The following TBCD variants were observed in gnomAD, a reference collection of about 807,000 sequenced individuals.
The protein encoded by TBCD is tubulin folding cofactor D.
In TBCD, 105 loss-of-function variants were observed where a neutral mutation model predicts 169.3. That is an observed-to-expected ratio of 0.62 (90% CI 0.53 to 0.73). TBCD has a LOEUF of 0.73. TBCD is among the 30% of genes least tolerant of loss of function. TBCD has a pLI of 0.00. For missense variants in TBCD, 1,444 were observed against 1,600.1 expected (o/e 0.90, Z 1.66); for synonymous variants, 700 against 643.9 (o/e 1.09, Z -1.32).
At chr17:82,896,840 G>A (rs1303910600) in intron 17 of TBCD, among the ~76,000 whole-genome samples, 4 of 152,210 alleles carry the variant, frequency 2.6e-5, no homozygotes, top group African/African-American at 9.6e-5. Flanking sequence ...TGAGCTCGGG[G>A]TCCGGGATCT....
intron 37 of TBCD, among the ~76,000 whole-genome samples, chr17:82,939,677 A>G (rs2062949636): frequency 6.6e-6 from 1 of 152,140 alleles, no homozygotes; most frequent in Admixed American, 6.5e-5. Context: ...CCTGTCCCCA[A>G]ACAGTGTCAG....
chr17:82,906,102 C>A, intron 20 of TBCD, 49 bp downstream of exon 20: 1 of 1,407,618 alleles, frequency 7.1e-7, no homozygotes, highest in South Asian at 1.2e-5. Flanking sequence ...CCCTGATCCC[C>A]TCACCATGTA....
chr17:82,902,155 C>G (rs1373021200), intron 18 of TBCD, among the ~76,000 whole-genome samples: 1 of 152,110 alleles, frequency 6.6e-6, no homozygotes, highest in South Asian at 2.1e-4. Flanking sequence ...ATGTATTGAC[C>G]CTTTATCTTT....
In TBCD at chr17:82,870,710, C is replaced by T. The variant is rs371175095; in HGVS notation, c.1475+330C>T. Among the ~76,000 whole-genome samples the T allele has an allele frequency of 3.2e-4, 49 of 152,334 alleles. No homozygotes were observed. In the East Asian group the frequency reaches 4.8e-3, roughly 15 times the overall value. ...ACCCTGCAGGCAGCAGATTCTTGGG[C>T]GCAGGTGATCGGCACGCTGGGTGGC... On this transcript the variant is annotated intron_variant, in intron 14 of 38. Coordinates refer to ENST00000355528, the MANE Select transcript of TBCD (RefSeq NM_005993.5).
chr17:82,916,095 C>T (rs1452881574), intron 23 of TBCD, among the ~76,000 whole-genome samples: 1 of 152,234 alleles, frequency 6.6e-6, no homozygotes, highest in Admixed American at 6.5e-5. Context: ...CACACAGCCA[C>T]CTGCTGCTTC....
chr17:82,825,745 T>C (rs74002521), intron 13 of TBCD, among the ~76,000 whole-genome samples: 1,569 of 152,354 alleles, frequency 0.01, 23 homozygotes, highest in African/African-American at 0.035. Flanking sequence ...ATAAAACTAT[T>C]GCGTCACTCA....
At chr17:82,908,877 T>G (rs1398297754) in intron 21 of TBCD, among the ~76,000 whole-genome samples, 1 of 152,266 alleles carries the variant, frequency 6.6e-6, no homozygotes, top group Non-Finnish European at 1.5e-5. Flanking sequence ...TCAGTAAATT[T>G]TAGTTGTAGT....
intron 2 of TBCD, among the ~76,000 whole-genome samples, chr17:82,757,893 T>C (rs2047487428): frequency 6.6e-6 from 1 of 152,080 alleles, no homozygotes. Context: ...TGAGCGCTGG[T>C]TCCCAGGAAA....
chr17:82,907,615 A>G (rs1453040668), intron 20 of TBCD, 146 bp from the exon 21 acceptor site: 7 of 814,124 alleles, frequency 8.6e-6, no homozygotes, highest in Non-Finnish European at 1.4e-5. Context: ...TGGGACCTGA[A>G]CAAGAATGAG....
chr17:82,879,966 C>T (rs2058245969), intron 14 of TBCD, among the ~76,000 whole-genome samples: 1 of 151,980 alleles, frequency 6.6e-6, no homozygotes, highest in African/African-American at 2.4e-5. Flanking sequence ...GTCTCCAGTC[C>T]TTTCTGGAGG....
intron 14 of TBCD, among the ~76,000 whole-genome samples, chr17:82,876,320 G>T (rs1480486034): frequency 6.6e-6 from 1 of 152,172 alleles, no homozygotes; most frequent in African/African-American, 2.4e-5. Context: ...AACGGGCGAG[G>T]ACACCTAGGG....
Position 82,768,498 on chromosome 17 carries a change from G to A in TBCD, c.514G>A (p.Gly172Arg), listed in dbSNP as rs1231471894. 3.1e-6 allele frequency: 5 copies of A among 1,613,628 alleles called. No individual in the cohort carries two copies. The highest frequency in any genetic ancestry group is 4.2e-6 in the Non-Finnish European group (5 of 1,179,766). The change falls in exon 5 of 39, where the codon GGG becomes AGG. Residue 172 changes from glycine to arginine, a missense_variant. Transcript: ENST00000355528. ...CCCTTTTGATTTTTCTCGCCTTGAC[G>A]GGAACCTCCTCACCCAGCCTGGGCA... ...LIPFDFSRLD[G>R]NLLTQPGQAR...
At position 82,777,869 on chromosome 17, in the gene TBCD, T is replaced by A. The variant is rs1033891761; in HGVS notation, c.639-3720T>A. ...GGGAAAGGGAGACTCTCTTTCCCGGTCCGCTAAGTAGCGGGTGTTTTTCCT... is the reference window on the plus strand; with the variant it reads ...GGGAAAGGGAGACTCTCTTTCCCGGACCGCTAAGTAGCGGGTGTTTTTCCT... On this transcript the variant is annotated intron_variant, in intron 6 of 38. Coordinates refer to ENST00000355528, the MANE Select transcript of TBCD (RefSeq NM_005993.5). Among the ~76,000 whole-genome samples the A allele has an allele frequency of 1.3e-5, 2 of 152,042 alleles. 1 individual carries two copies. The highest frequency in any genetic ancestry group is 4.8e-5 in the African/African-American group (2 of 41,404).
At chr17:82,893,275 G>A (rs998830314) in intron 16 of TBCD, 18 of 478,556 alleles carry the variant, frequency 3.8e-5, no homozygotes, top group African/African-American at 3.9e-5. Flanking sequence ...ACCACGTACC[G>A]AAGTGGAAAT....
In TBCD at chr17:82,864,465, G is replaced by A. The variant is rs1050061409; in HGVS notation, c.1319-5759G>A. 4 of 152,240 alleles carry A rather than the reference G, an allele frequency of 2.6e-5. No homozygotes were observed. The highest frequency in any genetic ancestry group is 4.4e-5 in the Non-Finnish European group (3 of 68,064). The allele number at this position is 152,240 out of a possible 1,614,324, so 9.4% of individuals were successfully genotyped here. The stretch of plus-strand genomic sequence containing the variant: ...GCTTGGTGACAGTTGGGTGACCCGG[G>A]CTCTGTGTCTTCGTGTTGGCCAGGG... On this transcript the variant is annotated intron_variant, in intron 13 of 38. Transcript: ENST00000355528. This position sits in a 1 kb window ranked among gnomAD's most constrained non-coding sequence, Gnocchi z 6.3.
Position 82,937,434 on chromosome 17 carries a change from C to T in TBCD, c.3281+74C>T, listed in dbSNP as rs1414419481. Reference sequence around the variant, plus strand: ...TCCCTTGGCTGAGGGCAGGAGTCCACGGCTCCAGGCGGGAGAGGAGCAGTT... The same window carrying T: ...TCCCTTGGCTGAGGGCAGGAGTCCATGGCTCCAGGCGGGAGAGGAGCAGTT... On this transcript the variant is annotated intron_variant, in intron 35 of 38. Transcript: ENST00000355528. 3.1e-5 allele frequency: 41 copies of T among 1,303,126 alleles called. 1 individual carries two copies. Among genetic ancestry groups the T allele is most frequent in the Middle Eastern group, 3.7e-4 (2 of 5,458 alleles). The allele number at this position is 1,303,126 out of a possible 1,614,324, so 80.7% of individuals were successfully genotyped here. A position where few individuals can be genotyped will look rare whatever the true frequency, so the allele number is the denominator to read the frequency against.
At position 82,888,692 on chromosome 17, in the gene TBCD, TG is replaced by T. The variant is rs1018531429; in HGVS notation, c.1534-970del. Among the ~76,000 whole-genome samples the T allele has an allele frequency of 8.1e-4, 123 of 152,248 alleles. 1 individual carries two copies. The highest frequency in any genetic ancestry group is 2.9e-3 in the African/African-American group (122 of 41,572). On this transcript the variant is annotated intron_variant, in intron 15 of 38. Transcript: ENST00000355528. ...GGTGGGCGCGTCTGCTCCTTTTCCC[TG>T]GGGGGTGGGGGCACAGACCCTGGGT...
At chr17:82,909,831 C>T (rs1201732860) in intron 22 of TBCD, among the ~76,000 whole-genome samples, 1 of 152,252 alleles carries the variant, frequency 6.6e-6, no homozygotes, top group Non-Finnish European at 1.5e-5. Context: ...TCCCCAACCC[C>T]GAGATCTGGC....
intron 14 of TBCD, among the ~76,000 whole-genome samples, chr17:82,879,173 TC>T (rs1024328842): frequency 2.7e-5 from 4 of 150,156 alleles, no homozygotes; most frequent in Admixed American, 1.3e-4. Flanking sequence ...ATCCACCACT[TC>T]CCAGGAGTCT....
Sources: allele counts gnomAD v4.1 joint callset (sites outside exome capture counted in the v4.1 genomes callset), GRCh38; gene constraint gnomAD v4.1.1; non-coding constraint Gnocchi (gnomAD v3.1); transcripts MANE v1.5; gene names NCBI Gene and HGNC (gene_info 2026-07-23, HGNC 2026-07-21).